PCCA: variants seen among roughly 807,000 people sequenced by gnomAD.
The protein encoded by PCCA is propionyl-CoA carboxylase alpha chain, mitochondrial.
In PCCA, 74 loss-of-function variants were observed where a neutral mutation model predicts 101.3. The ratio of observed to expected loss-of-function variants is 0.73; its 90% CI spans 0.61 to 0.89. PCCA has a LOEUF of 0.89. Among genes scored for constraint, PCCA ranks in the 40% least tolerant of loss-of-function variants. The pLI, the probability that PCCA is intolerant of heterozygous loss-of-function variation, is 0.00. For synonymous variants in PCCA, 294 were observed against 313.6 expected (o/e 0.94, Z 0.66); for missense variants, 891 against 907.0 (o/e 0.98, Z 0.23).
intron 7 of PCCA, among the ~76,000 whole-genome samples, chr13:100,227,015 T>C (rs1594815347): frequency 6.6e-6 from 1 of 152,366 alleles, no homozygotes; most frequent in East Asian, 1.9e-4. Context: ...GTGTTCTTTT[T>C]TTCTTTGAGA....
chr13:100,233,484 G>C (rs1460634100), intron 7 of PCCA, among the ~76,000 whole-genome samples: 5 of 151,990 alleles, frequency 3.3e-5, no homozygotes, highest in Non-Finnish European at 7.4e-5. Context: ...GATGTTATAG[G>C]CAACCTTTAC....
At chr13:100,524,084 T>G (rs2087525652) in intron 22 of PCCA, among the ~76,000 whole-genome samples, 1 of 152,200 alleles carries the variant, frequency 6.6e-6, no homozygotes, top group Non-Finnish European at 1.5e-5. Context: ...TACTCTACGG[T>G]GTGCGACACA....
intron 12 of PCCA, chr13:100,293,258 C>G (rs752802248): frequency 2.1e-6 from 1 of 471,510 alleles, no homozygotes; most frequent in South Asian, 1.5e-5. Context: ...AGGAAAGGTA[C>G]AGTACAATTG....
chr13:100,493,690 C>G (rs1464795803), intron 21 of PCCA, among the ~76,000 whole-genome samples: 3 of 152,170 alleles, frequency 2.0e-5, no homozygotes, highest in Non-Finnish European at 4.4e-5. Context: ...TTGCAAATTC[C>G]AGCCTTCCTG....
intron 21 of PCCA, among the ~76,000 whole-genome samples, chr13:100,501,205 T>C (rs2085643969): frequency 6.6e-6 from 1 of 152,202 alleles, no homozygotes; most frequent in African/African-American, 2.4e-5. Context: ...GAGTCATACA[T>C]ACTTTTTGAA....
At chr13:100,370,745 G>T (rs933133480) in intron 19 of PCCA, among the ~76,000 whole-genome samples, 1 of 152,186 alleles carries the variant, frequency 6.6e-6, no homozygotes, top group Admixed American at 6.5e-5. Flanking sequence ...ACAGCGTGGC[G>T]AAGTAAAGGC....
Position 100,209,557 on chromosome 13 carries a change from T to TAC in PCCA, c.600+95_600+96insCA, listed in dbSNP as rs147664427. ...AAATGTAACTATTGCTTTTTTGGGA[T>TAC]ATACACACACACACACACATATGCA... is the stretch of plus-strand genomic sequence containing the variant. On this transcript the variant is annotated intron_variant, in intron 7 of 23. Coordinates refer to ENST00000376285, the MANE Select transcript of PCCA (RefSeq NM_000282.4). 3,442 of 916,238 alleles carry TAC rather than the reference T, an allele frequency of 3.8e-3. 8 individuals carry two copies. Among genetic ancestry groups the TAC allele is most frequent in the South Asian group, 5.7e-3 (427 of 74,424 alleles). 56.8% of individuals were successfully genotyped at this position (916,238 alleles called of 1,614,324 possible).
chr13:100,349,085 G>A (rs1213901776), intron 18 of PCCA, among the ~76,000 whole-genome samples: 1 of 151,988 alleles, frequency 6.6e-6, no homozygotes, highest in Non-Finnish European at 1.5e-5. Context: ...TGGGATTACA[G>A]GCATGCACCG....
intron 4 of PCCA, among the ~76,000 whole-genome samples, chr13:100,121,545 G>A (rs904945534): frequency 6.6e-6 from 1 of 150,622 alleles, no homozygotes; most frequent in East Asian, 1.9e-4. Context: ...TGCGATCTTG[G>A]CTCACTGTAA....
At position 100,378,977 on chromosome 13, in the gene PCCA, A is replaced by G. The variant is rs151213783; in HGVS notation, c.1746+10403A>G. On this transcript the variant is annotated intron_variant, in intron 19 of 23. Coordinates refer to ENST00000376285, the MANE Select transcript of PCCA (RefSeq NM_000282.4). Reference sequence around the variant, plus strand: ...AGACTTATTGTATTCCTTTGGAGGTATCATATTCCCTTGCTTTTTCATGTT... The same window carrying G: ...AGACTTATTGTATTCCTTTGGAGGTGTCATATTCCCTTGCTTTTTCATGTT... Among the ~76,000 whole-genome samples, 15 of 152,248 alleles carry G rather than the reference A, an allele frequency of 9.9e-5. No homozygotes were observed. The East Asian group carries it at 2.9e-3, about 29-fold the overall frequency.
At chr13:100,415,528 G>T (rs2078307325) in intron 19 of PCCA, among the ~76,000 whole-genome samples, 2 of 152,324 alleles carry the variant, frequency 1.3e-5, no homozygotes, top group South Asian at 4.1e-4. Flanking sequence ...TCCTTTCTGA[G>T]AATTAGATAT....
chr13:100,474,891 G>A (rs537249461), intron 21 of PCCA, among the ~76,000 whole-genome samples: 27 of 152,246 alleles, frequency 1.8e-4, no homozygotes, highest in South Asian at 6.2e-4. Flanking sequence ...TACAATTAAC[G>A]TATAATTCAC....
intron 19 of PCCA, among the ~76,000 whole-genome samples, chr13:100,423,299 C>T (rs779373353): frequency 6.6e-6 from 1 of 152,194 alleles, no homozygotes; most frequent in Non-Finnish European, 1.5e-5. Context: ...AAGGATTCTT[C>T]GGTTCAGCCA....
intron 8 of PCCA, among the ~76,000 whole-genome samples, chr13:100,248,461 A>C (rs1306637270): frequency 6.6e-6 from 1 of 152,130 alleles, no homozygotes; most frequent in African/African-American, 2.4e-5. Flanking sequence ...GGCAACATTT[A>C]GTGTTGTCAG....
intron 6 of PCCA, among the ~76,000 whole-genome samples, chr13:100,194,284 G>A (rs992176587): frequency 1.3e-5 from 2 of 152,068 alleles, no homozygotes; most frequent in Admixed American, 6.6e-5. Context: ...CAGAAAACAC[G>A]AGGTTAAGCA....
chr13:100,436,951 G>T (rs1488810307), intron 20 of PCCA, among the ~76,000 whole-genome samples: 1 of 152,134 alleles, frequency 6.6e-6, no homozygotes, highest in Non-Finnish European at 1.5e-5. Flanking sequence ...GAAACAAGAG[G>T]GCTCCCAAGG....
chr13:100,527,195 GT>G (rs1326626704), intron 22 of PCCA: 103 of 436,886 alleles, frequency 2.4e-4, no homozygotes, highest in South Asian at 1.5e-3. Context: ...TCAATTCAGA[GT>G]TGTGTAGTTG....
intron 21 of PCCA, among the ~76,000 whole-genome samples, chr13:100,465,181 C>T (rs549228979): frequency 6.6e-6 from 1 of 152,092 alleles, no homozygotes; most frequent in Non-Finnish European, 1.5e-5. Flanking sequence ...GCTGACCCCC[C>T]ATGTCTGATG....
chr13:100,164,366 T>G (rs1183342751), intron 6 of PCCA, among the ~76,000 whole-genome samples: 1 of 151,920 alleles, frequency 6.6e-6, no homozygotes, highest in Non-Finnish European at 1.5e-5. Context: ...GATAGGAGAG[T>G]GGCAGTGGTA....
Sources: allele counts gnomAD v4.1 joint callset (sites outside exome capture counted in the v4.1 genomes callset), GRCh38; gene constraint gnomAD v4.1.1; transcripts MANE v1.5; gene names NCBI Gene and HGNC (gene_info 2026-07-23, HGNC 2026-07-21).